Variants in CELA3A observed in about 807,000 individuals in gnomAD.
CELA3A encodes the protein chymotrypsin-like elastase family member 3A.
Under a neutral mutation model 38.6 loss-of-function variants are expected in CELA3A, and 35 were observed. The observed-to-expected ratio is 0.91, with a 90% CI of 0.69 to 1.20. CELA3A has a LOEUF of 1.20. CELA3A is among the 50% of genes most tolerant of loss of function. The pLI, the probability that CELA3A is intolerant of heterozygous loss-of-function variation, is 0.00. For missense variants in CELA3A, 343 were observed against 354.2 expected (o/e 0.97, Z 0.25); for synonymous variants, 143 against 136.7 (o/e 1.05, Z -0.32).
In CELA3A at chr1:22,005,649, C is replaced by T. The variant is rs892276020; in HGVS notation, c.228-13C>T. ...GCCAGTCAGGCCCCGACTGACCTCA[C>T]CTCTGCCTGCAGGAGGGATCTGACC... On this transcript the variant is annotated splice_polypyrimidine_tract_variant and intron_variant, in intron 3 of 7. Coordinates refer to ENST00000290122, the MANE Select transcript of CELA3A (RefSeq NM_005747.5). The T allele has an allele frequency of 3.1e-6, 5 of 1,612,412 alleles. No individual in the cohort carries two copies. Among genetic ancestry groups the T allele is most frequent in the Admixed American group, 1.7e-5 (1 of 59,918 alleles).
chr1:22,002,448 T>C (rs1222748201), intron 1 of CELA3A: 6 of 440,780 alleles, frequency 1.4e-5, no homozygotes, highest in Non-Finnish European at 2.7e-5. Flanking sequence ...TCCTACCACC[T>C]TAGCCTCCTG....
In CELA3A at chr1:22,009,791, C is replaced by A. The variant is rs755074172; in HGVS notation, c.729C>A (p.Gly243=). The part of the protein sequence containing the change: ...HGVTSFVSAF[G]CNFIWKPTVF... The stretch of plus-strand genomic sequence containing the variant: ...TGACCAGCTTTGTTTCTGCCTTTGG[C>A]TGCAACTTCATCTGGAAGCCCACGG... The change falls in exon 7 of 8, where the codon GGC becomes GGA. Residue 243 remains glycine (G), a synonymous_variant. Transcript: ENST00000290122. 15 of 1,612,070 alleles carry A rather than the reference C, an allele frequency of 9.3e-6. No homozygotes were observed. Among genetic ancestry groups the A allele is most frequent in the Non-Finnish European group, 6.8e-6 (8 of 1,179,312 alleles).
intron 1 of CELA3A, among the ~76,000 whole-genome samples, chr1:22,002,369 C>T (rs1019789342): frequency 4.8e-5 from 7 of 147,026 alleles, no homozygotes; most frequent in African/African-American, 1.5e-4. Context: ...TTATTTTTTG[C>T]TTTTTTTTTG....
rs531519976 is a variant in CELA3A at position 22,005,114 on chromosome 1, A to C, written c.130-333A>C. Among the ~76,000 whole-genome samples the C allele has an allele frequency of 6.3e-4, 95 of 150,742 alleles. 4 individuals are homozygous for C. In the East Asian group the frequency reaches 0.018, roughly 29 times the overall value. ...AAACTCCATCTCAAAAAAAAAAAAA[A>C]CTCACAGGGCGAGGGGTGCGTGATA... On this transcript the variant is annotated intron_variant, in intron 2 of 7. Transcript: ENST00000290122.
chr1:22,002,576 C>A (rs1453490712), intron 1 of CELA3A: 2 of 455,878 alleles, frequency 4.4e-6, no homozygotes, highest in Non-Finnish European at 8.8e-6. Context: ...CTCCCGGGCT[C>A]AAGCGATCCT....
In CELA3A at chr1:22,009,825, C is replaced by G. The variant is rs148724731; in HGVS notation, c.763C>G (p.Arg255Gly). ...CATCTGGAAGCCCACGGTGTTCACT[C>G]GAGTCTCCGCCTTCATCGACTGGAT... ...NFIWKPTVFT[R>G]VSAFIDWIEE... The change falls in exon 7 of 8, where the codon CGA becomes GGA. Residue 255 changes from arginine to glycine, a missense_variant. Transcript: ENST00000290122. 222 of 1,612,470 alleles carry G rather than the reference C, an allele frequency of 1.4e-4. 1 individual carries two copies. The highest frequency in any genetic ancestry group is 1.8e-4 in the Non-Finnish European group (207 of 1,179,626).
intron 6 of CELA3A, among the ~76,000 whole-genome samples, chr1:22,008,181 T>C (rs1182448571): frequency 2.3e-5 from 2 of 88,210 alleles, no homozygotes; most frequent in African/African-American, 6.6e-5. Context: ...GACAGGATCT[T>C]GCTCTGTTGC....
chr1:22,008,761 A>G (rs1398291310), intron 6 of CELA3A, among the ~76,000 whole-genome samples: 3 of 87,918 alleles, frequency 3.4e-5, no homozygotes, highest in Non-Finnish European at 2.3e-5. Context: ...GCTGACTCAG[A>G]AAAAAAAAAA....
At position 22,007,507 on chromosome 1, in the gene CELA3A, G is replaced by A. The variant is rs777393712; in HGVS notation, c.634G>A (p.Gly212Ser). The change falls in exon 6 of 8, where the codon GGC (glycine) becomes AGC (serine). Residue 212 changes from glycine to serine, a missense_variant. Physicochemically the swap from Gly to Ser is moderately conservative, Grantham distance 56. Transcript: ENST00000290122. The part of the protein sequence containing the change: ...MVCAGGYIRS[G>S]CNGDSGGPLN... ...GTGTGCTGGAGGGTACATCCGCTCCGGCTGCAACGTGAGTCAGCTCTTACC... is the reference window on the plus strand; with the variant it reads ...GTGTGCTGGAGGGTACATCCGCTCCAGCTGCAACGTGAGTCAGCTCTTACC... 56 of 1,609,750 alleles carry A rather than the reference G, an allele frequency of 3.5e-5. No individual in the cohort carries two copies. The highest frequency in any genetic ancestry group is 1.7e-4 in the Middle Eastern group (1 of 5,912).
rs191051528 is a variant in CELA3A, at chr1:22,012,074, A to G, written c.796-376A>G. 2.4e-5 allele frequency among the ~76,000 whole-genome samples: 3 copies of G among 127,574 alleles called. 1 individual carries two copies. In the Admixed American group the frequency reaches 2.7e-4, roughly 11 times the overall value. The allele number at this position is 127,574 out of a possible 152,430, so 83.7% of individuals were successfully genotyped here. The stretch of plus-strand genomic sequence containing the variant: ...AAAAAACCAAAAAAACAAAAAAAAT[A>G]TAGATTTTGTTTATATATATACACA... On this transcript the variant is annotated intron_variant, in intron 7 of 7. Transcript: ENST00000290122.
At chr1:22,001,824 G>T in intron 1 of CELA3A, 107 bp downstream of exon 1, 1 of 1,492,050 alleles carries the variant, frequency 6.7e-7, no homozygotes, top group Admixed American at 1.7e-5. Context: ...TGGTTCCACA[G>T]GAGGGGGTCT....
chr1:22,005,656 C>T lies in CELA3A; in HGVS notation c.228-6C>T, dbSNP rs1644945375. On this transcript the variant is annotated splice_polypyrimidine_tract_variant and splice_region_variant and intron_variant, in intron 3 of 7. Transcript: ENST00000290122. Reference sequence around the variant, plus strand: ...AGGCCCCGACTGACCTCACCTCTGCCTGCAGGAGGGATCTGACCTACCAGG... The same window carrying T: ...AGGCCCCGACTGACCTCACCTCTGCTTGCAGGAGGGATCTGACCTACCAGG... 6.2e-7 allele frequency: 1 copy of T among 1,612,392 alleles called. No homozygotes were observed. The highest frequency in any genetic ancestry group is 2.2e-5 in the East Asian group (1 of 44,700).
At chr1:22,005,301 G>T (rs1427632135) in intron 2 of CELA3A, 146 bp from the exon 3 acceptor site, 1 of 950,590 alleles carries the variant, frequency 1.1e-6, no homozygotes, top group Non-Finnish European at 1.6e-6. Context: ...GTCGCAGGTT[G>T]TATGCTGCAT....
intron 2 of CELA3A, among the ~76,000 whole-genome samples, chr1:22,004,248 A>G (rs1341281224): frequency 6.7e-6 from 1 of 149,448 alleles, no homozygotes; most frequent in Non-Finnish European, 1.5e-5. Flanking sequence ...ATTTTTATAC[A>G]TTGTTGTAGA....
chr1:22,003,795 A>T (rs1569865617), intron 2 of CELA3A, among the ~76,000 whole-genome samples: 1 of 149,952 alleles, frequency 6.7e-6, no homozygotes, highest in African/African-American at 2.5e-5. Context: ...AAACTCTGCC[A>T]CCCGGGTTCA....
intron 6 of CELA3A, among the ~76,000 whole-genome samples, chr1:22,009,467 C>G (rs1279208278): frequency 6.6e-6 from 1 of 151,186 alleles, no homozygotes; most frequent in East Asian, 1.9e-4. Context: ...ATCACTTGAA[C>G]CTGGGAGCCG....
intron 7 of CELA3A, chr1:22,010,626 AAAAAAAAAAAAG>A: frequency 6.3e-6 from 1 of 158,358 alleles, no homozygotes; most frequent in Non-Finnish European, 1.4e-5. Flanking sequence ...AAAAAAAAAA[AAAAAAAAAAAAG>A]AGTAATAGCT....
chr1:22,009,901 C>G (rs371963093), intron 7 of CELA3A, 44 bp downstream of exon 7: 18 of 1,584,246 alleles, frequency 1.1e-5, no homozygotes, highest in Non-Finnish European at 1.5e-5. Flanking sequence ...GGTGGTGGCT[C>G]TTCTGAGAGG....
rs766219953 is a variant in CELA3A at position 22,006,876 on chromosome 1, A to T, written c.363-2A>T. ...GCCCCGTGACTGTTCCCTCCTCCCC[A>T]GCAATGACATCGCCCTCATCAAGCT... On this transcript the variant is annotated splice_acceptor_variant, in intron 4 of 7. Transcript: ENST00000290122. LOFTEE classifies it high-confidence loss of function. 140 of 1,611,870 alleles carry T rather than the reference A, an allele frequency of 8.7e-5. 2 individuals are homozygous for T. The Admixed American group carries it at 2.3e-3, about 27-fold the overall frequency.
Sources: gnomAD v4.1 joint callset for allele counts (sites outside exome capture counted in the v4.1 genomes callset) on GRCh38, gnomAD v4.1.1 for gene constraint, MANE v1.5 for transcripts, NCBI Gene and HGNC (gene_info 2026-07-23, HGNC 2026-07-21) for gene names.